The following GRM1 variants were observed in gnomAD, a reference collection of about 807,000 sequenced individuals.
The protein encoded by GRM1 is metabotropic glutamate receptor 1.
GRM1 carries 33 observed loss-of-function variants against 90.9 expected under a neutral mutation model. The observed-to-expected ratio is 0.36, with a 90% CI of 0.28 to 0.49. The LOEUF (loss-of-function observed/expected upper bound fraction) is 0.49, where lower values mean the gene tolerates loss of function less well. GRM1 is among the 20% of genes least tolerant of loss of function. The pLI, the probability that GRM1 is intolerant of heterozygous loss-of-function variation, is 0.99. For missense variants in GRM1, 1,190 were observed against 1,534.3 expected, an observed-to-expected ratio of 0.78 and a Z score of 3.75; for synonymous variants, 700 against 613.2, an observed-to-expected ratio of 1.14 and a Z score of -2.09.
intron 1 of GRM1, among the ~76,000 whole-genome samples, chr6:146,122,131 A>G (rs1178475567): frequency 1.3e-5 from 2 of 152,346 alleles, no homozygotes; most frequent in East Asian, 3.9e-4. Context: ...CCATAATGGT[A>G]AAGGGATATA....
At position 146,055,012 on chromosome 6, in the gene GRM1, C is replaced by T. The variant is rs1182788791; in HGVS notation, c.700+24795C>T. ...GATGAGTGAGGAGATAGGAATGGGG[C>T]GATTTGCCTTGGGTTCACGCTAAGC... On this transcript the variant is annotated intron_variant, in intron 1 of 7. Coordinates refer to ENST00000282753, the MANE Select transcript of GRM1 (RefSeq NM_001278064.2). 3.3e-5 allele frequency among the ~76,000 whole-genome samples: 5 copies of T among 151,716 alleles called. 1 individual carries two copies. The highest frequency in any genetic ancestry group is 3.9e-4 in the East Asian group (2 of 5,146).
chr6:146,433,959 C>A lies in GRM1; in HGVS notation c.2748C>A (p.His916Gln). The A allele has an allele frequency of 6.2e-7, 1 of 1,613,868 alleles. No individual in the cohort carries two copies. The highest frequency in any genetic ancestry group is 1.1e-5 in the South Asian group (1 of 91,072). The change falls in exon 8 of 8, where the codon CAC (histidine) becomes CAA (glutamine). Residue 916 changes from histidine (H) to glutamine (Q), a missense_variant. His to Gln is a conservative substitution (Grantham distance 24). Around this residue, in one of 10 missense-constraint regions of GRM1, gnomAD observed 400 missense variants for 360.8 expected, o/e 1.11. Transcript: ENST00000282753. ...ATATGTGGCACCGCCTCTCTGTGCA[C>A]GTGAAGACCAATGAGACGGCCTGCA... The part of the protein sequence containing the change: ...GQHMWHRLSV[H>Q]VKTNETACNQ...
rs73578832 is a variant in GRM1 at position 146,092,984 on chromosome 6, G to C, written c.700+62767G>C. Among the ~76,000 whole-genome samples the C allele has an allele frequency of 1.0e-2, 1,521 of 152,170 alleles. 22 individuals are homozygous for C. Among genetic ancestry groups the C allele is most frequent in the African/African-American group, 0.035 (1,444 of 41,520 alleles). On this transcript the variant is annotated intron_variant, in intron 1 of 7. Coordinates refer to ENST00000282753, the MANE Select transcript of GRM1 (RefSeq NM_001278064.2). ...TTAAGAGATCGGAATATAATTTTAA[G>C]TTTTGATTGGGGAAAGAACATGGGG...
chr6:146,234,680 G>T (rs1780573115), intron 2 of GRM1, among the ~76,000 whole-genome samples: 1 of 151,824 alleles, frequency 6.6e-6, no homozygotes, highest in Non-Finnish European at 1.5e-5. Context: ...AACTATGTTT[G>T]CTTGTGACAA....
intron 2 of GRM1, among the ~76,000 whole-genome samples, chr6:146,249,614 G>T (rs999954072): frequency 3.3e-5 from 5 of 152,154 alleles, no homozygotes; most frequent in African/African-American, 1.2e-4. Flanking sequence ...TCTACCGCAG[G>T]GGTGGGGCAG....
chr6:146,329,226 C>T (rs180741953), intron 3 of GRM1, among the ~76,000 whole-genome samples: 3 of 152,288 alleles, frequency 2.0e-5, no homozygotes, highest in Admixed American at 6.5e-5. Flanking sequence ...CAGAGTTGAA[C>T]GAATGGAAAA....
intron 3 of GRM1, among the ~76,000 whole-genome samples, chr6:146,332,497 T>C (rs1187983446): frequency 6.6e-6 from 1 of 152,210 alleles, no homozygotes; most frequent in Non-Finnish European, 1.5e-5. Context: ...CTGGCAACAA[T>C]GGACGCAGTC....
At chr6:146,283,717 C>T (rs1184224111) in intron 2 of GRM1, among the ~76,000 whole-genome samples, 1 of 152,148 alleles carries the variant, frequency 6.6e-6, no homozygotes. Context: ...ATATTATTCT[C>T]ATTTTACAGA....
chr6:146,219,336 G>A (rs1037225338), intron 2 of GRM1, among the ~76,000 whole-genome samples: 2 of 152,150 alleles, frequency 1.3e-5, no homozygotes, highest in African/African-American at 2.4e-5. Flanking sequence ...AAAGCCACCA[G>A]GGGGTGAGAA....
intron 6 of GRM1, among the ~76,000 whole-genome samples, chr6:146,396,208 A>T (rs1776928502): frequency 6.6e-6 from 1 of 152,122 alleles, no homozygotes; most frequent in Admixed American, 6.6e-5. Context: ...AGGAAGAATA[A>T]GTTCTTCCAG....
chr6:146,384,479 G>A (rs950509174), intron 5 of GRM1, among the ~76,000 whole-genome samples: 6 of 152,050 alleles, frequency 3.9e-5, no homozygotes, highest in African/African-American at 1.4e-4. Context: ...TAAAATCAAA[G>A]CTCAAAGGGA....
At chr6:146,032,503 C>T (rs1282361037) in intron 1 of GRM1, among the ~76,000 whole-genome samples, 1 of 152,048 alleles carries the variant, frequency 6.6e-6, no homozygotes, top group African/African-American at 2.4e-5. Context: ...TTTTCAGGGC[C>T]CCATAGTGTA....
intron 2 of GRM1, among the ~76,000 whole-genome samples, chr6:146,189,039 G>A (rs1204669731): frequency 6.6e-6 from 1 of 152,200 alleles, no homozygotes; most frequent in Admixed American, 6.5e-5. Context: ...AGAGAGAGAA[G>A]CTAAACCAAT....
chr6:146,157,732 G>T (rs1777571022), intron 1 of GRM1, among the ~76,000 whole-genome samples: 1 of 152,104 alleles, frequency 6.6e-6, no homozygotes, highest in Non-Finnish European at 1.5e-5. Context: ...GTGAGCAGGA[G>T]TTGGCTCTAA....
At chr6:146,159,641 T>TCTCTCACACACACA (rs372590505) in intron 2 of GRM1, 44 bp downstream of exon 2, 185 of 728,500 alleles carry the variant, frequency 2.5e-4, no homozygotes, top group Middle Eastern at 2.1e-3. Flanking sequence ...TCTCTCTCTC[T>TCTCTCACACACACA]CACACACACA....
In GRM1 at chr6:146,230,800, CCAGA is replaced by C. The variant is rs1312888539; in HGVS notation, c.950+71206_950+71209del. On this transcript the variant is annotated intron_variant, in intron 2 of 7. Coordinates refer to ENST00000282753, the MANE Select transcript of GRM1 (RefSeq NM_001278064.2). Reference sequence around the variant, plus strand: ...GTAGTGAATGAATAAACTGGCACATCCAGACAATGAAATATTATTCAGTACTAAA... The same window carrying C: ...GTAGTGAATGAATAAACTGGCACATCCAATGAAATATTATTCAGTACTAAA... Among the ~76,000 whole-genome samples the C allele has an allele frequency of 2.6e-5, 4 of 152,122 alleles. No individual in the cohort carries two copies. The East Asian group carries it at 7.7e-4, about 29-fold the overall frequency.
At chr6:146,398,402 T>C (rs1777043448) in intron 6 of GRM1, among the ~76,000 whole-genome samples, 1 of 152,248 alleles carries the variant, frequency 6.6e-6, no homozygotes, top group South Asian at 2.1e-4. Flanking sequence ...TCTATCCCAT[T>C]ATCACCATTT....
intron 7 of GRM1, among the ~76,000 whole-genome samples, chr6:146,423,560 G>A (rs1452015326): frequency 6.6e-6 from 1 of 151,956 alleles, no homozygotes; most frequent in African/African-American, 2.4e-5. Flanking sequence ...CAATATGCCG[G>A]AAGGCCTCAA....
At chr6:146,348,767 A>C (rs1583363782) in intron 3 of GRM1, among the ~76,000 whole-genome samples, 1 of 152,180 alleles carries the variant, frequency 6.6e-6, no homozygotes, top group East Asian at 1.9e-4. Flanking sequence ...TCCCAGAGAG[A>C]AGTCCTAAAC....
Sources: gnomAD v4.1 joint callset for allele counts (sites outside exome capture counted in the v4.1 genomes callset) on GRCh38, gnomAD v4.1.1 for gene constraint, gnomAD v4.1.1 regional missense constraint, MANE v1.5 for transcripts, NCBI Gene and HGNC (gene_info 2026-07-23, HGNC 2026-07-21) for gene names.